Variants in B3GAT2 observed in about 807,000 individuals in gnomAD.
B3GAT2 encodes the protein galactosylgalactosylxylosylprotein 3-beta-glucuronosyltransferase 2.
B3GAT2 carries 26 observed loss-of-function variants against 27.8 expected under a neutral mutation model. The observed-to-expected ratio is 0.93, with a 90% confidence interval of 0.68 to 1.30. The LOEUF (loss-of-function observed/expected upper bound fraction) is 1.30, where lower values mean the gene tolerates loss of function less well. Among genes scored for constraint, B3GAT2 ranks in the 50% most tolerant of loss-of-function variants. The pLI, the probability that B3GAT2 is intolerant of heterozygous loss-of-function variation, is 0.00. For synonymous variants in B3GAT2, 218 were observed against 195.1 expected, an observed-to-expected ratio of 1.12 and a Z score of -0.98; for missense variants, 458 against 459.0, an observed-to-expected ratio of 1.00 and a Z score of 0.02.
intron 1 of B3GAT2, among the ~76,000 whole-genome samples, chr6:70,932,822 G>A (rs1247941751): frequency 6.6e-6 from 1 of 151,916 alleles, no homozygotes; most frequent in African/African-American, 2.4e-5. Context: ...TCTTTTTTGA[G>A]ACAGGGTCTC....
At chr6:70,887,702 A>T (rs1266039504) in intron 2 of B3GAT2, among the ~76,000 whole-genome samples, 1 of 152,236 alleles carries the variant, frequency 6.6e-6, no homozygotes, top group Non-Finnish European at 1.5e-5. Context: ...CTGAGAGAAC[A>T]GCACATTATA....
At chr6:70,940,167 C>CCA (rs934995224) in intron 1 of B3GAT2, among the ~76,000 whole-genome samples, 4 of 152,046 alleles carry the variant, frequency 2.6e-5, no homozygotes, top group Admixed American at 2.6e-4. Context: ...CCCCCTCGCC[C>CCA]CACACACACA....
chr6:70,946,387 T>G (rs1351564840), intron 1 of B3GAT2, among the ~76,000 whole-genome samples: 2 of 151,728 alleles, frequency 1.3e-5, no homozygotes, highest in Non-Finnish European at 2.9e-5. Context: ...TGGAAGAAGA[T>G]CTACCAAGCA....
In B3GAT2 at chr6:70,901,990, T is replaced by G. The variant is rs1032616731; in HGVS notation, c.592-7718A>C. 2.8e-4 allele frequency among the ~76,000 whole-genome samples: 42 copies of G among 152,162 alleles called. 1 individual carries two copies. Among genetic ancestry groups the G allele is most frequent in the African/African-American group, 8.2e-4 (34 of 41,440 alleles). On this transcript the variant is annotated intron_variant, in intron 1 of 3. Transcript: ENST00000230053. Reference sequence around the variant, plus strand: ...AAATGAAAATGAACCACGTTGAAATTTTAGCCCGTTAGATTTTAATATAAA... The same window carrying G: ...AAATGAAAATGAACCACGTTGAAATGTTAGCCCGTTAGATTTTAATATAAA...
At chr6:70,898,899 G>C (rs998892796) in intron 1 of B3GAT2, among the ~76,000 whole-genome samples, 1 of 151,906 alleles carries the variant, frequency 6.6e-6, no homozygotes, top group South Asian at 2.1e-4. Flanking sequence ...GGAAGTAGAG[G>C]TTGCAGTGAG....
At chr6:70,922,003 T>C (rs969024795) in intron 1 of B3GAT2, among the ~76,000 whole-genome samples, 19 of 152,074 alleles carry the variant, frequency 1.2e-4, no homozygotes, top group Admixed American at 6.5e-5. Context: ...CTGGTAACAG[T>C]ACTCTGATGG....
Position 70,956,195 on chromosome 6 carries a change from G to GCT in B3GAT2, c.233_234dup (p.Leu79SerfsTer21). The GCT allele has an allele frequency of 6.2e-7, 1 of 1,611,870 alleles. No individual in the cohort carries two copies. Among genetic ancestry groups the GCT allele is most frequent in the Non-Finnish European group, 8.5e-7 (1 of 1,178,882 alleles). ...GGCGTGATGGCATAGATGGTGGGCA[G>GCT]CTGCGGCTCCGGCTGTGGCTGCGGC... On this transcript the variant is annotated frameshift_variant, in exon 1 of 4. Coordinates refer to ENST00000230053, the MANE Select transcript of B3GAT2 (RefSeq NM_080742.3). LOFTEE classifies it high-confidence loss of function.
At chr6:70,909,365 T>A (rs1301903558) in intron 1 of B3GAT2, among the ~76,000 whole-genome samples, 3 of 152,230 alleles carry the variant, frequency 2.0e-5, no homozygotes, top group Non-Finnish European at 4.4e-5. Context: ...GGAAATCATA[T>A]GTAAACAAGA....
chr6:70,939,201 C>T (rs1765346203), intron 1 of B3GAT2, among the ~76,000 whole-genome samples: 1 of 147,436 alleles, frequency 6.8e-6, no homozygotes, highest in African/African-American at 2.5e-5. Flanking sequence ...AATGAGATAC[C>T]ATCTCACACC....
chr6:70,906,363 G>A (rs1312683669), intron 1 of B3GAT2, among the ~76,000 whole-genome samples: 1 of 152,024 alleles, frequency 6.6e-6, no homozygotes, highest in Non-Finnish European at 1.5e-5. Context: ...TTAAGACAGA[G>A]TCTCACTCTG....
chr6:70,861,465 A>G lies in B3GAT2; in HGVS notation c.*198T>C. On this transcript the variant is annotated 3_prime_UTR_variant, in exon 4 of 4. Coordinates refer to ENST00000230053, the MANE Select transcript of B3GAT2 (RefSeq NM_080742.3). The stretch of plus-strand genomic sequence containing the variant: ...CATGCAGAACAAATGAAGACAAAAC[A>G]TACATTTTGTACCAACCATCCAATT... 1 of 577,008 alleles carries G rather than the reference A, an allele frequency of 1.7e-6. No individual in the cohort carries two copies. Among genetic ancestry groups the G allele is most frequent in the Non-Finnish European group, 3.1e-6 (1 of 324,278 alleles). 35.7% of individuals were successfully genotyped at this position (577,008 alleles called of 1,614,324 possible). A position where few individuals can be genotyped will look rare whatever the true frequency, so the allele number is the denominator to read the frequency against.
intron 2 of B3GAT2, among the ~76,000 whole-genome samples, chr6:70,867,344 G>C (rs1452199701): frequency 6.6e-6 from 1 of 151,940 alleles, no homozygotes; most frequent in East Asian, 1.9e-4. Context: ...AACGACTAAA[G>C]TAGAAATAGA....
chr6:70,920,025 C>T (rs944535605), intron 1 of B3GAT2, among the ~76,000 whole-genome samples: 9 of 152,308 alleles, frequency 5.9e-5, no homozygotes, highest in East Asian at 5.8e-4. Flanking sequence ...TCTACAGAGG[C>T]AGTAGGCCTT....
chr6:70,883,002 A>C (rs1772122721), intron 2 of B3GAT2, among the ~76,000 whole-genome samples: 1 of 152,184 alleles, frequency 6.6e-6, no homozygotes, highest in African/African-American at 2.4e-5. Flanking sequence ...GCAAATCAAA[A>C]CCAGAATGAG....
In B3GAT2 at chr6:70,938,039, A is replaced by T. The variant is rs570210442; in HGVS notation, c.591+17800T>A. Among the ~76,000 whole-genome samples the T allele has an allele frequency of 7.9e-5, 12 of 151,388 alleles. No individual in the cohort carries two copies. The South Asian group carries it at 2.5e-3, about 32-fold the overall frequency. ...AGCCAAAAATCTCCTTAAGCTGATA[A>T]GCAACTTCAGCAAAGTCTCAGGATA... On this transcript the variant is annotated intron_variant, in intron 1 of 3. Coordinates refer to ENST00000230053, the MANE Select transcript of B3GAT2 (RefSeq NM_080742.3).
intron 1 of B3GAT2, among the ~76,000 whole-genome samples, chr6:70,913,498 G>T (rs1772720656): frequency 6.6e-6 from 1 of 152,168 alleles, no homozygotes; most frequent in Admixed American, 6.5e-5. Context: ...TGATTTGCAT[G>T]TAGCTGTATG....
intron 1 of B3GAT2, among the ~76,000 whole-genome samples, chr6:70,911,144 T>G (rs1772683377): frequency 6.6e-6 from 1 of 152,216 alleles, no homozygotes; most frequent in South Asian, 2.1e-4. Flanking sequence ...GATAGTTTCT[T>G]TTTGTTGTGC....
At chr6:70,915,855 C>CT (rs1772764633) in intron 1 of B3GAT2, among the ~76,000 whole-genome samples, 1 of 152,152 alleles carries the variant, frequency 6.6e-6, no homozygotes, top group Admixed American at 6.5e-5. Flanking sequence ...CAGCTTTGTT[C>CT]TTTTTGCCCA....
chr6:70,862,446 T>A (rs1263319422), intron 2 of B3GAT2, among the ~76,000 whole-genome samples: 1 of 152,176 alleles, frequency 6.6e-6, no homozygotes, highest in Non-Finnish European at 1.5e-5. Flanking sequence ...CTTGGATTCA[T>A]TTTGCATTTA....
Sources: allele counts gnomAD v4.1 joint callset (sites outside exome capture counted in the v4.1 genomes callset), GRCh38; gene constraint gnomAD v4.1.1; transcripts MANE v1.5; gene names NCBI Gene and HGNC (gene_info 2026-07-23, HGNC 2026-07-21).